Variants in CNBD1 observed in about 807,000 individuals in gnomAD.
The protein encoded by CNBD1 is cyclic nucleotide-binding domain-containing protein 1.
A neutral mutation model predicts 54.4 loss-of-function variants in CNBD1; 71 were observed. The ratio of observed to expected loss-of-function variants is 1.30; its 90% CI spans 1.08 to 1.59. CNBD1 has a LOEUF of 1.59. Among genes scored for constraint, CNBD1 ranks in the 40% most tolerant of loss-of-function variants. The probability of loss-of-function intolerance (pLI) is 0.00; values close to 1 mark genes in which losing one functional copy is unlikely to be tolerated. For missense variants in CNBD1, 659 were observed against 518.0 expected, an observed-to-expected ratio of 1.27 and a Z score of -2.64; for synonymous variants, 182 against 170.7, an observed-to-expected ratio of 1.07 and a Z score of -0.51.
intron 8 of CNBD1, among the ~76,000 whole-genome samples, chr8:87,331,078 G>A (rs925427927): frequency 3.3e-5 from 5 of 151,820 alleles, no homozygotes; most frequent in South Asian, 2.1e-4. Flanking sequence ...CTTTAAGTTC[G>A]AGGATACATG....
At chr8:87,036,983 C>G (rs545021372) in intron 4 of CNBD1, among the ~76,000 whole-genome samples, 35 of 152,276 alleles carry the variant, frequency 2.3e-4, no homozygotes, top group African/African-American at 8.4e-4. Flanking sequence ...CTCTTCTTCT[C>G]GCTTCATTTA....
chr8:87,053,055 CAGA>C (rs1224763828), intron 4 of CNBD1, among the ~76,000 whole-genome samples: 1 of 152,032 alleles, frequency 6.6e-6, no homozygotes, highest in Non-Finnish European at 1.5e-5. Flanking sequence ...CTGAGGCACT[CAGA>C]AGTTTTCTTT....
In CNBD1 at chr8:86,907,634, C is replaced by A. The variant is rs543744850; in HGVS notation, c.272+2440C>A. Among the ~76,000 whole-genome samples, 7 of 151,732 alleles carry A rather than the reference C, an allele frequency of 4.6e-5. No homozygotes were observed. In the East Asian group the frequency reaches 1.2e-3, roughly 25 times the overall value. ...AGTGAGCCAAGATTGCGCCACTGCACTCCAGCCTGGAGACAGAGCATGACT... is the reference window on the plus strand; with the variant it reads ...AGTGAGCCAAGATTGCGCCACTGCAATCCAGCCTGGAGACAGAGCATGACT... On this transcript the variant is annotated intron_variant, in intron 3 of 10. Transcript: ENST00000518476.
At chr8:87,279,712 T>C (rs1808557176) in intron 6 of CNBD1, among the ~76,000 whole-genome samples, 1 of 151,208 alleles carries the variant, frequency 6.6e-6, no homozygotes, top group East Asian at 1.9e-4. Context: ...TATATCGAGA[T>C]TATATATTTT....
intron 6 of CNBD1, among the ~76,000 whole-genome samples, chr8:87,254,176 C>T (rs1043917399): frequency 3.3e-5 from 5 of 152,174 alleles, no homozygotes; most frequent in African/African-American, 1.2e-4. Flanking sequence ...GGCAACGCAG[C>T]CACCTAAAGT....
chr8:87,173,153 A>G (rs1813124059), intron 4 of CNBD1, among the ~76,000 whole-genome samples: 1 of 152,206 alleles, frequency 6.6e-6, no homozygotes, highest in African/African-American at 2.4e-5. Flanking sequence ...ACTATGAAGC[A>G]AAAAGAAAAG....
At chr8:86,948,211 G>C (rs535987213) in intron 4 of CNBD1, among the ~76,000 whole-genome samples, 23 of 152,238 alleles carry the variant, frequency 1.5e-4, no homozygotes, top group East Asian at 7.7e-4. Context: ...GAACAGTGCT[G>C]CAATAAATGT....
At chr8:87,277,886 T>G (rs1431571335) in intron 6 of CNBD1, among the ~76,000 whole-genome samples, 1 of 151,554 alleles carries the variant, frequency 6.6e-6, no homozygotes, top group Non-Finnish European at 1.5e-5. Context: ...CAATAAAAAA[T>G]CAGTAGAAAC....
intron 4 of CNBD1, among the ~76,000 whole-genome samples, chr8:87,000,493 G>C (rs912385933): frequency 2.0e-5 from 3 of 152,094 alleles, no homozygotes; most frequent in Non-Finnish European, 4.4e-5. Flanking sequence ...ATGAGACTTA[G>C]AGCAAATTAT....
chr8:87,185,708 G>A (rs569091347), intron 4 of CNBD1, among the ~76,000 whole-genome samples: 1 of 152,054 alleles, frequency 6.6e-6, no homozygotes, highest in African/African-American at 2.4e-5. Flanking sequence ...TTCAGTTTCC[G>A]GTCCATGATA....
At chr8:87,379,084 A>T (rs532672990) in intron 10 of CNBD1, among the ~76,000 whole-genome samples, 8 of 151,380 alleles carry the variant, frequency 5.3e-5, no homozygotes, top group East Asian at 1.9e-4. Flanking sequence ...TAGATATACA[A>T]TCATGTCATC....
chr8:87,184,794 T>C (rs2915524), intron 4 of CNBD1, among the ~76,000 whole-genome samples: 60,370 of 151,976 alleles, frequency 0.4, 13,523 homozygotes, highest in Non-Finnish European at 0.5. Flanking sequence ...GCTGGTGTAC[T>C]TGATGGCATG....
intron 2 of CNBD1, among the ~76,000 whole-genome samples, chr8:87,426,252 G>C (rs1272702541): frequency 6.6e-6 from 1 of 152,218 alleles, no homozygotes; most frequent in Admixed American, 6.5e-5. Flanking sequence ...CGGTACCTCA[G>C]ATGGAAATGC....
intron 4 of CNBD1, among the ~76,000 whole-genome samples, chr8:86,969,092 T>C (rs949994736): frequency 1.3e-5 from 2 of 152,212 alleles, no homozygotes; most frequent in Admixed American, 1.3e-4. Context: ...GCTCGAATTT[T>C]CCTTTGGTTT....
At chr8:87,046,522 C>T (rs576492730) in intron 4 of CNBD1, among the ~76,000 whole-genome samples, 1 of 152,250 alleles carries the variant, frequency 6.6e-6, no homozygotes, top group South Asian at 2.1e-4. Flanking sequence ...GCATGTTCCC[C>T]TCCAATGCCT....
At chr8:87,139,050 G>A (rs912586658) in intron 4 of CNBD1, among the ~76,000 whole-genome samples, 1 of 152,166 alleles carries the variant, frequency 6.6e-6, no homozygotes, top group African/African-American at 2.4e-5. Context: ...GGCCTCTTTT[G>A]TCGTAATTTT....
intron 4 of CNBD1, among the ~76,000 whole-genome samples, chr8:87,122,265 G>A (rs560498004): frequency 1.3e-4 from 19 of 151,812 alleles, no homozygotes; most frequent in East Asian, 5.8e-4. Context: ...TTCTAAAGGC[G>A]TGAGATAATA....
At chr8:87,092,458 T>TGTGTGTGTGTATATATATACAC (rs1811230081) in intron 4 of CNBD1, among the ~76,000 whole-genome samples, 1 of 138,534 alleles carries the variant, frequency 7.2e-6, no homozygotes, top group African/African-American at 2.7e-5. Context: ...TATACACATA[T>TGTGTGTGTGTATATATATACAC]GTGTGTGTGT....
At chr8:86,990,115 G>T (rs1047919223) in intron 4 of CNBD1, among the ~76,000 whole-genome samples, 1 of 152,116 alleles carries the variant, frequency 6.6e-6, no homozygotes, top group African/African-American at 2.4e-5. Context: ...TGTCAGATGG[G>T]TAGTTTGCAA....
Sources: gnomAD v4.1 joint callset for allele counts (sites outside exome capture counted in the v4.1 genomes callset) on GRCh38, gnomAD v4.1.1 for gene constraint, MANE v1.5 for transcripts, NCBI Gene and HGNC (gene_info 2026-07-23, HGNC 2026-07-21) for gene names.